The following RASAL2 variants were observed in gnomAD, a reference collection of about 807,000 sequenced individuals.
The protein encoded by RASAL2 is RAS protein activator like 2, also known as ras GTPase-activating protein nGAP.
In RASAL2, 58 loss-of-function variants were observed where a neutral mutation model predicts 128.9. That is an observed-to-expected ratio of 0.45 (90% CI 0.36 to 0.56). RASAL2 has a LOEUF of 0.56. Among genes scored for constraint, RASAL2 ranks in the 20% least tolerant of loss-of-function variants. The probability of loss-of-function intolerance (pLI) is 0.00; values close to 1 mark genes in which losing one functional copy is unlikely to be tolerated. For missense variants in RASAL2, 1,360 were observed against 1,601.6 expected (o/e 0.85, Z 2.57); for synonymous variants, 561 against 580.8 (o/e 0.97, Z 0.49).
intron 1 of RASAL2, among the ~76,000 whole-genome samples, chr1:178,196,418 A>G (rs1490017424): frequency 6.6e-6 from 1 of 152,176 alleles, no homozygotes; most frequent in Non-Finnish European, 1.5e-5. Flanking sequence ...ATGGAAAATA[A>G]ATGTAATCAG....
rs749614344 is a variant in RASAL2 at position 178,442,914 on chromosome 1, G to A, written c.1167G>A (p.Lys389=). The change falls in exon 8 of 18, where the codon AAG becomes AAA. Residue 389 remains lysine (K), a synonymous_variant. Coordinates refer to ENST00000367649, the MANE Select transcript of RASAL2 (RefSeq NM_170692.4). ...IYKDVEKKKK[K]DKNNYVGLVN... is the part of the protein sequence containing the mutation. The stretch of plus-strand genomic sequence containing the variant: ...AGGATGTGGAAAAAAAGAAAAAAAA[G>A]GACAAGAATAATTATGTAGGGCTAG... The A allele has an allele frequency of 1.1e-5, 18 of 1,613,662 alleles. No homozygotes were observed. Among genetic ancestry groups the A allele is most frequent in the Non-Finnish European group, 1.5e-5 (18 of 1,179,934 alleles).
chr1:178,467,199 A>G, intron 16 of RASAL2, 135 bp from the exon 17 acceptor site: 1 of 679,954 alleles, frequency 1.5e-6, no homozygotes, highest in East Asian at 2.7e-5. Context: ...TCTTATTCCA[A>G]GGTAGTAGAG....
chr1:178,123,753 G>C (rs2102281049), intron 1 of RASAL2: 1 of 152,470 alleles, frequency 6.6e-6, no homozygotes, highest in East Asian at 1.9e-4. Flanking sequence ...GCTCATTGCA[G>C]CCTCAACCTC....
intron 3 of RASAL2, among the ~76,000 whole-genome samples, chr1:178,303,632 T>C (rs887679794): frequency 2.0e-5 from 3 of 152,092 alleles, no homozygotes; most frequent in Admixed American, 6.6e-5. Context: ...AAATAATTGA[T>C]ACATTGGACT....
intron 5 of RASAL2, among the ~76,000 whole-genome samples, chr1:178,438,368 T>C (rs1157392767): frequency 2.0e-5 from 3 of 152,064 alleles, no homozygotes; most frequent in East Asian, 3.9e-4. Context: ...AAGCTACTTA[T>C]TTAATGTGTT....
chr1:178,223,455 A>G (rs1215474207), intron 1 of RASAL2, among the ~76,000 whole-genome samples: 1 of 152,166 alleles, frequency 6.6e-6, no homozygotes, highest in Non-Finnish European at 1.5e-5. Flanking sequence ...AGGATGAGCA[A>G]GAGCCCTGTG....
At chr1:178,144,176 C>T (rs181728456) in intron 1 of RASAL2, among the ~76,000 whole-genome samples, 2 of 152,208 alleles carry the variant, frequency 1.3e-5, no homozygotes, top group African/African-American at 4.8e-5. Flanking sequence ...ACTTTCTGTC[C>T]TCCTACTTAA....
chr1:178,247,263 A>G (rs1664808627), intron 1 of RASAL2, among the ~76,000 whole-genome samples: 1 of 152,100 alleles, frequency 6.6e-6, no homozygotes, highest in African/African-American at 2.4e-5. Flanking sequence ...TGGTCTATTC[A>G]GGGATTTGAC....
At chr1:178,182,506 G>A (rs939230059) in intron 1 of RASAL2, among the ~76,000 whole-genome samples, 1 of 152,084 alleles carries the variant, frequency 6.6e-6, no homozygotes, top group African/African-American at 2.4e-5. Flanking sequence ...ATACTGATTC[G>A]TGTATATACA....
intron 3 of RASAL2, among the ~76,000 whole-genome samples, chr1:178,335,179 G>A (rs1669527374): frequency 6.6e-6 from 1 of 151,418 alleles, no homozygotes; most frequent in East Asian, 1.9e-4. Flanking sequence ...TTCCTTTGGG[G>A]AATTTATTTT....
At chr1:178,154,089 G>A (rs1436798756) in intron 1 of RASAL2, among the ~76,000 whole-genome samples, 1 of 151,828 alleles carries the variant, frequency 6.6e-6, no homozygotes, top group Non-Finnish European at 1.5e-5. Context: ...ACCTGCCTCA[G>A]CCTCCCAGAG....
At chr1:178,385,494 A>G (rs1364263839) in intron 3 of RASAL2, among the ~76,000 whole-genome samples, 1 of 151,926 alleles carries the variant, frequency 6.6e-6, no homozygotes, top group East Asian at 1.9e-4. Flanking sequence ...TTTCAATACG[A>G]TTTGTACCTT....
chr1:178,336,092 T>C (rs1669572736), intron 3 of RASAL2, among the ~76,000 whole-genome samples: 2 of 152,110 alleles, frequency 1.3e-5, no homozygotes, highest in Non-Finnish European at 1.5e-5. Context: ...TCCTCATCTG[T>C]AAAATGGGCA....
chr1:178,184,063 A>AT (rs1302429755), intron 1 of RASAL2, among the ~76,000 whole-genome samples: 2 of 152,164 alleles, frequency 1.3e-5, no homozygotes, highest in Non-Finnish European at 2.9e-5. Flanking sequence ...GATGTTGATC[A>AT]TTTTTTGTAT....
intron 1 of RASAL2, among the ~76,000 whole-genome samples, chr1:178,166,574 A>G (rs980212483): frequency 6.6e-6 from 1 of 152,204 alleles, no homozygotes; most frequent in African/African-American, 2.4e-5. Context: ...GTAAAAATAA[A>G]TGAACACTTC....
intron 1 of RASAL2, chr1:178,123,755 C>T (rs1364874554): frequency 6.6e-6 from 1 of 152,362 alleles, no homozygotes; most frequent in African/African-American, 2.4e-5. Flanking sequence ...TCATTGCAGC[C>T]TCAACCTCCT....
chr1:178,340,934 C>G, intron 3 of RASAL2, among the ~76,000 whole-genome samples: 1 of 151,942 alleles, frequency 6.6e-6, no homozygotes, highest in East Asian at 1.9e-4. Context: ...AGCCTAAGAC[C>G]TGAATTAAGG....
At chr1:178,431,784 AT>A (rs750311029) in intron 5 of RASAL2, among the ~76,000 whole-genome samples, 33 of 151,718 alleles carry the variant, frequency 2.2e-4, no homozygotes, top group Admixed American at 2.0e-3. Flanking sequence ...AGTCCAAAAT[AT>A]TCTCTTAAAA....
intron 1 of RASAL2, among the ~76,000 whole-genome samples, chr1:178,155,498 G>T (rs1337983539): frequency 1.3e-5 from 2 of 149,130 alleles, no homozygotes; most frequent in African/African-American, 2.5e-5. Context: ...GTACGATGTT[G>T]ACATCCTATA....
Sources: allele counts gnomAD v4.1 joint callset (sites outside exome capture counted in the v4.1 genomes callset), GRCh38; gene constraint gnomAD v4.1.1; transcripts MANE v1.5; gene names NCBI Gene and HGNC (gene_info 2026-07-23, HGNC 2026-07-21).